Variants in FIGNL2 observed in about 807,000 individuals in gnomAD.
FIGNL2 encodes fidgetin like 2.
For synonymous variants in FIGNL2, 565 were observed against 484.0 expected (o/e 1.17, Z -2.20); for missense variants, 1,060 against 950.2 (o/e 1.12, Z -1.52).
chr12:51,833,245 G>T (rs1435734832), intron 1 of FIGNL2, among the ~76,000 whole-genome samples: 1 of 151,948 alleles, frequency 6.6e-6, no homozygotes, highest in Non-Finnish European at 1.5e-5. Flanking sequence ...TAGAGATGGG[G>T]GTCTCACTGT....
rs1221730295 is a variant in FIGNL2, at chr12:51,820,446, G to A, written c.*6C>T. On this transcript the variant is annotated 3_prime_UTR_variant, in exon 2 of 2. Coordinates refer to ENST00000618634, the MANE Select transcript of FIGNL2 (RefSeq NM_001384995.1). ...CTGCGGCTCCCGCGGCCTCCCCCGC[G>A]CGCCGTCAGTGTCCGGAGCCGTACA... 1 of 1,584,816 alleles carries A rather than the reference G, an allele frequency of 6.3e-7. No individual in the cohort carries two copies. The highest frequency in any genetic ancestry group is 8.5e-7 in the Non-Finnish European group (1 of 1,173,788).
At chr12:51,847,268 A>G in intron 1 of FIGNL2, 1 of 985,362 alleles carries the variant, frequency 1.0e-6, no homozygotes, top group Non-Finnish European at 1.2e-6. Context: ...GCACCGTGGC[A>G]TCTGCGGGCC....
chr12:51,820,423 G>T lies in FIGNL2; in HGVS notation c.*29C>A, dbSNP rs1592183078. 1 of 1,570,608 alleles carries T rather than the reference G, an allele frequency of 6.4e-7. No homozygotes were observed. The highest frequency in any genetic ancestry group is 2.3e-5 in the East Asian group (1 of 43,338). ...CGGAGGCGGCGGGGACGGAGGGACT[G>T]CGGCTCCCGCGGCCTCCCCCGCGCG... On this transcript the variant is annotated 3_prime_UTR_variant, in exon 2 of 2. Coordinates refer to ENST00000618634, the MANE Select transcript of FIGNL2 (RefSeq NM_001384995.1).
rs901637411 is a variant in FIGNL2 at position 51,821,861 on chromosome 12, C to G, written c.553G>C (p.Ala185Pro). The G allele has an allele frequency of 7.7e-7, 1 of 1,296,316 alleles. No individual in the cohort carries two copies. Among genetic ancestry groups the G allele is most frequent in the East Asian group, 3.2e-5 (1 of 30,938 alleles). The allele number at this position is 1,296,316 out of a possible 1,614,324, so 80.3% of individuals were successfully genotyped here. ...TGAALPPPPP[A>P]ALLQPPPPPG... is the part of the protein sequence containing the mutation. ...GGCGGTGGGGGCTGCAGGAGCGCGGCCGGGGGCGGCGGGGGCAGCGCGGCG... is the reference window on the plus strand; with the variant it reads ...GGCGGTGGGGGCTGCAGGAGCGCGGGCGGGGGCGGCGGGGGCAGCGCGGCG... Residue 185 changes from alanine (A) to proline (P), a missense_variant, in exon 2 of 2, where the codon GCC (alanine) becomes CCC (proline). Coordinates refer to ENST00000618634, the MANE Select transcript of FIGNL2 (RefSeq NM_001384995.1).
In FIGNL2 at chr12:51,820,694, G is replaced by C. The variant is rs1190399236; in HGVS notation, c.1720C>G (p.Gln574Glu). 1 of 1,493,014 alleles carries C rather than the reference G, an allele frequency of 6.7e-7. No homozygotes were observed. The highest frequency in any genetic ancestry group is 8.8e-7 in the Non-Finnish European group (1 of 1,130,472). 92.5% of individuals were successfully genotyped at this position (1,493,014 alleles called of 1,614,324 possible). A position where few individuals can be genotyped will look rare whatever the true frequency, so the allele number is the denominator to read the frequency against. Residue 574 changes from glutamine to glutamate, a missense_variant, in exon 2 of 2, where the codon CAG becomes GAG. Transcript: ENST00000618634. The stretch of plus-strand genomic sequence containing the variant: ...TCCCGCTCACTGAGCGCGCAGCCCT[G>C]CTGGGCCAGCGCCCGCTGCAGGATC... ...GQILQRALAQ[Q>E]GCALSERELA...
chr12:51,824,783 C>A (rs926585878), intron 1 of FIGNL2, among the ~76,000 whole-genome samples: 1 of 152,212 alleles, frequency 6.6e-6, no homozygotes, highest in African/African-American at 2.4e-5. Flanking sequence ...GTGGCTCATG[C>A]CTGTAATCCC....
At chr12:51,828,267 GGGTTTTGT>G (rs1190190061) in intron 1 of FIGNL2, 1 of 152,190 alleles carries the variant, frequency 6.6e-6, no homozygotes, top group Non-Finnish European at 1.5e-5. Flanking sequence ...TTCCTTATTT[GGGTTTTGT>G]GGTTTTCCCA....
chr12:51,842,161 C>G (rs1389325706), intron 1 of FIGNL2: 2 of 152,302 alleles, frequency 1.3e-5, no homozygotes, highest in Non-Finnish European at 2.9e-5. Context: ...AGCTGCCTTC[C>G]TCATTTTACG....
chr12:51,848,159 G>A, intron 1 of FIGNL2: 11 of 984,232 alleles, frequency 1.1e-5, no homozygotes, highest in Non-Finnish European at 1.3e-5. Flanking sequence ...CTCGGGCTCC[G>A]GACGCTGGAT....
intron 1 of FIGNL2, among the ~76,000 whole-genome samples, chr12:51,834,109 T>TTGGATGGATGGATGGATGGTTGGATGGA (rs1939534826): frequency 7.5e-6 from 1 of 133,902 alleles, no homozygotes; most frequent in African/African-American, 2.7e-5. Context: ...GGATGGATGG[T>TTGGATGGATGGATGGATGGTTGGATGGA]TGGATGGATG....
In FIGNL2 at chr12:51,833,803, G is replaced by A. The variant is rs143518483; in HGVS notation, c.-11-11379C>T. Among the ~76,000 whole-genome samples, 685 of 152,364 alleles carry A rather than the reference G, an allele frequency of 4.5e-3. 4 individuals are homozygous for A. Among genetic ancestry groups the A allele is most frequent in the African/African-American group, 0.015 (631 of 41,592 alleles). ...ATGGAACAACAGGTTGAAGGGGACAGTCCTATTTGTTGCTTTATTGTCTGT... is the reference window on the plus strand; with the variant it reads ...ATGGAACAACAGGTTGAAGGGGACAATCCTATTTGTTGCTTTATTGTCTGT... On this transcript the variant is annotated intron_variant, in intron 1 of 1. Transcript: ENST00000618634.
At chr12:51,826,171 GC>G (rs55797450) in intron 1 of FIGNL2, among the ~76,000 whole-genome samples, 130,345 of 151,938 alleles carry the variant, frequency 0.86, 56,115 homozygotes, top group East Asian at 0.98. Context: ...TGCTGGGCCC[GC>G]CCCCCCCACA....
At chr12:51,837,069 T>C (rs958277156) in intron 1 of FIGNL2, among the ~76,000 whole-genome samples, 1 of 151,996 alleles carries the variant, frequency 6.6e-6, no homozygotes, top group Non-Finnish European at 1.5e-5. Context: ...CCTGGGGCCT[T>C]GGGAGGGGAC....
At chr12:51,826,576 T>C (rs1395940319) in intron 1 of FIGNL2, among the ~76,000 whole-genome samples, 1 of 144,540 alleles carries the variant, frequency 6.9e-6, no homozygotes, top group African/African-American at 2.6e-5. Context: ...GAGGTGGAGG[T>C]TGCAGTGAGC....
chr12:51,825,783 A>G (rs1168567662), intron 1 of FIGNL2: 1 of 151,430 alleles, frequency 6.6e-6, no homozygotes, highest in Non-Finnish European at 1.5e-5. Context: ...CGCCCGGCTA[A>G]TTTTTTGTAT....
At chr12:51,823,764 C>CT (rs1308144493) in intron 1 of FIGNL2, among the ~76,000 whole-genome samples, 3 of 152,178 alleles carry the variant, frequency 2.0e-5, no homozygotes, top group East Asian at 3.8e-4. Context: ...GTTCAGTATT[C>CT]TTTCTTCAAC....
chr12:51,822,466 G>T, intron 1 of FIGNL2, 42 bp from the exon 2 acceptor site: 1 of 1,604,406 alleles, frequency 6.2e-7, no homozygotes, highest in African/African-American at 1.3e-5. Flanking sequence ...TCTAGCCACC[G>T]AGGACCCAGT....
chr12:51,834,620 A>T (rs1305040015), intron 1 of FIGNL2, among the ~76,000 whole-genome samples: 1 of 152,184 alleles, frequency 6.6e-6, no homozygotes, highest in Non-Finnish European at 1.5e-5. Context: ...AATGCCAAAC[A>T]GCAGGAGGTC....
In FIGNL2 at chr12:51,819,574, C is replaced by A. The variant is rs1939122615; in HGVS notation, c.*878G>T. ...GGAGGGGGCAGGTGTGAGGGGCACA[C>A]AGGAGAGCAGCCAAAGTCTAACATT... On this transcript the variant is annotated 3_prime_UTR_variant, in exon 2 of 2. Transcript: ENST00000618634. 6.6e-6 allele frequency: 1 copy of A among 152,616 alleles called. No individual in the cohort carries two copies. Among genetic ancestry groups the A allele is most frequent in the South Asian group, 2.1e-4 (1 of 4,824 alleles). 9.5% of individuals were successfully genotyped at this position (152,616 alleles called of 1,614,324 possible). A position where few individuals can be genotyped will look rare whatever the true frequency, so the allele number is the denominator to read the frequency against.
Sources: allele counts gnomAD v4.1 joint callset (sites outside exome capture counted in the v4.1 genomes callset), GRCh38; gene constraint gnomAD v4.1.1; transcripts MANE v1.5; gene names NCBI Gene and HGNC (gene_info 2026-07-23, HGNC 2026-07-21).